The following FOXP2 variants were observed in gnomAD, a reference collection of about 807,000 sequenced individuals.
FOXP2 encodes the protein forkhead box P2.
A neutral mutation model predicts 115.8 loss-of-function variants in FOXP2; 12 were observed. The ratio of observed to expected loss-of-function variants is 0.10; its 90% CI spans 0.07 to 0.17. FOXP2 has a LOEUF of 0.17. Ranked by LOEUF, FOXP2 falls within the 10% of genes least tolerant of loss-of-function variation. FOXP2 has a pLI of 1.00. For synonymous variants in FOXP2, 328 were observed against 297.7 expected, an observed-to-expected ratio of 1.10 and a Z score of -1.05; for missense variants, 629 against 843.5, an observed-to-expected ratio of 0.75 and a Z score of 3.15.
intron 2 of FOXP2, among the ~76,000 whole-genome samples, chr7:114,525,632 T>C (rs1428690036): frequency 6.6e-6 from 1 of 152,194 alleles, no homozygotes; most frequent in African/African-American, 2.4e-5. Flanking sequence ...CACCTCTTTA[T>C]TTTCTGAATT....
intron 3 of FOXP2, among the ~76,000 whole-genome samples, chr7:114,577,983 A>G (rs116088081): frequency 1.2e-3 from 181 of 152,070 alleles, no homozygotes; most frequent in African/African-American, 3.8e-3. Context: ...TACCAAAATG[A>G]TGTCCTCAGA....
intron 1 of FOXP2, among the ~76,000 whole-genome samples, chr7:114,157,292 T>C (rs1462255606): frequency 6.6e-6 from 1 of 152,122 alleles, no homozygotes; most frequent in Non-Finnish European, 1.5e-5. Context: ...GGACAGTTTT[T>C]AGAGGGGAGC....
At chr7:114,182,951 A>G (rs1483419068) in intron 1 of FOXP2, among the ~76,000 whole-genome samples, 1 of 152,102 alleles carries the variant, frequency 6.6e-6, no homozygotes, top group Non-Finnish European at 1.5e-5. Context: ...AAATAATCAC[A>G]CTTGGCAGTT....
At chr7:114,359,026 A>G (rs1029186552) in intron 2 of FOXP2, among the ~76,000 whole-genome samples, 1 of 152,158 alleles carries the variant, frequency 6.6e-6, no homozygotes, top group Admixed American at 6.5e-5. Context: ...TTCAGGGCTT[A>G]TCAAAGGTCT....
chr7:114,240,174 A>T (rs1483462495), intron 1 of FOXP2, among the ~76,000 whole-genome samples: 1 of 152,192 alleles, frequency 6.6e-6, no homozygotes, highest in Non-Finnish European at 1.5e-5. Flanking sequence ...GAAGCAAAGG[A>T]AAGAAACAAT....
chr7:114,426,536 A>G lies in FOXP2; in HGVS notation c.25A>G (p.Thr9Ala), dbSNP rs1476956484. ...CATGATGCAGGAATCTGCGACAGAG[A>G]CAATAAGCAACAGTTCAATGAATCA... MMQESATE[T>A]ISNSSMNQNG... The change falls in exon 2 of 17, where the codon ACA (threonine) becomes GCA (alanine). Residue 9 changes from threonine (T) to alanine (A), a missense_variant. This residue lies in a region of FOXP2 where 91 missense variants were observed against 98.3 expected (regional missense o/e 0.93). Coordinates refer to ENST00000350908, the MANE Select transcript of FOXP2 (RefSeq NM_014491.4). The G allele has an allele frequency of 2.5e-6, 4 of 1,611,128 alleles. No homozygotes were observed. Among genetic ancestry groups the G allele is most frequent in the Non-Finnish European group, 2.5e-6 (3 of 1,178,126 alleles).
chr7:114,478,271 C>T (rs1284465413), intron 2 of FOXP2, among the ~76,000 whole-genome samples: 2 of 151,620 alleles, frequency 1.3e-5, no homozygotes, highest in Non-Finnish European at 3.0e-5. Flanking sequence ...TGTTTTGGGG[C>T]CTCTTGGATC....
chr7:114,334,931 CTATATATA>C (rs144511332), intron 2 of FOXP2, among the ~76,000 whole-genome samples: 45 of 119,326 alleles, frequency 3.8e-4, no homozygotes, highest in East Asian at 3.3e-3. Context: ...ATATAGAAAT[CTATATATA>C]TATATATATA....
chr7:114,287,341 C>T (rs1796491736), intron 1 of FOXP2, among the ~76,000 whole-genome samples: 1 of 151,846 alleles, frequency 6.6e-6, no homozygotes, highest in Non-Finnish European at 1.5e-5. Flanking sequence ...GTCCTGGCCA[C>T]GAGTTGGACA....
chr7:114,613,327 A>C (rs571917586), intron 3 of FOXP2, among the ~76,000 whole-genome samples: 4 of 152,132 alleles, frequency 2.6e-5, no homozygotes, highest in Non-Finnish European at 5.9e-5. Flanking sequence ...TTTTGTGCAT[A>C]TTCAAGTGAT....
At chr7:114,635,606 T>C (rs994194146) in intron 6 of FOXP2, among the ~76,000 whole-genome samples, 1 of 152,148 alleles carries the variant, frequency 6.6e-6, no homozygotes, top group African/African-American at 2.4e-5. Context: ...TTGAGTATGT[T>C]GAGTTAGTTT....
rs1422502584 is a variant in FOXP2, at chr7:114,560,450, C to T, written c.258+25744C>T. Among the ~76,000 whole-genome samples, 8 of 152,006 alleles carry T rather than the reference C, an allele frequency of 5.3e-5. No homozygotes were observed. The East Asian group carries it at 1.6e-3, about 29-fold the overall frequency. ...GGGAAACCTAAAAATGTTAAAAATA[C>T]TAAAAATACTAAAAAATTAGCCAGG... On this transcript the variant is annotated intron_variant, in intron 3 of 16. Transcript: ENST00000350908.
intron 1 of FOXP2, among the ~76,000 whole-genome samples, chr7:114,273,842 G>A (rs895173090): frequency 1.3e-5 from 2 of 151,908 alleles, no homozygotes; most frequent in African/African-American, 2.4e-5. Flanking sequence ...TATTTAAAGT[G>A]CATTCCTTGT....
intron 9 of FOXP2, 87 bp from the exon 10 acceptor site, chr7:114,653,839 C>A: frequency 7.4e-7 from 1 of 1,351,514 alleles, no homozygotes; most frequent in Non-Finnish European, 1.1e-6. Context: ...TATTCTGAGG[C>A]AAGCTCAATG....
rs35505116 is a variant in FOXP2 at position 114,279,766 on chromosome 7, T to TAA, written c.-101-8243_-101-8242dup. On this transcript the variant is annotated intron_variant, in intron 1 of 17. Coordinates refer to the FOXP2 transcript ENST00000634411. The stretch of plus-strand genomic sequence containing the variant: ...ATGTCTTAAACTTGTTATATTAGTT[T>TAA]AAAAAAAAAAAGCATTGTTGCTTAG... 2.8e-3 allele frequency among the ~76,000 whole-genome samples: 400 copies of TAA among 145,094 alleles called. 3 individuals carry two copies. Among genetic ancestry groups the TAA allele is most frequent in the African/African-American group, 9.7e-3 (385 of 39,810 alleles).
chr7:114,143,650 G>A (rs913842686), intron 1 of FOXP2, among the ~76,000 whole-genome samples: 5 of 152,090 alleles, frequency 3.3e-5, no homozygotes, highest in Non-Finnish European at 7.4e-5. Flanking sequence ...ATCATGTACA[G>A]TGCTAGCTTC....
chr7:114,480,762 T>C (rs1335592829), intron 2 of FOXP2, among the ~76,000 whole-genome samples: 3 of 150,526 alleles, frequency 2.0e-5, no homozygotes, highest in Non-Finnish European at 4.5e-5. Context: ...TACGTATATA[T>C]ATACGTATAC....
chr7:114,360,369 T>C (rs1286510526), intron 2 of FOXP2, among the ~76,000 whole-genome samples: 2 of 152,150 alleles, frequency 1.3e-5, no homozygotes, highest in Non-Finnish European at 2.9e-5. Flanking sequence ...CCTTTTCTTT[T>C]TTTTCCCAAC....
chr7:114,521,554 G>C (rs779286814), intron 2 of FOXP2, among the ~76,000 whole-genome samples: 19 of 108,972 alleles, frequency 1.7e-4, no homozygotes, highest in Middle Eastern at 9.3e-3. Context: ...AAAAAAAAAA[G>C]GGTAGGGGTG....
Sources: allele counts gnomAD v4.1 joint callset (sites outside exome capture counted in the v4.1 genomes callset), GRCh38; gene constraint gnomAD v4.1.1; regional missense constraint gnomAD v4.1.1; transcripts MANE v1.5; gene names NCBI Gene and HGNC (gene_info 2026-07-23, HGNC 2026-07-21).